RAP1A: variants seen among roughly 807,000 people sequenced by gnomAD.
RAP1A encodes ras-related protein Rap-1A.
A neutral mutation model predicts 26.4 loss-of-function variants in RAP1A; 6 were observed. The observed-to-expected ratio is 0.23, with a 90% CI of 0.12 to 0.45. RAP1A has a LOEUF of 0.45. Ranked by LOEUF, RAP1A falls within the 20% of genes least tolerant of loss-of-function variation. The probability of loss-of-function intolerance (pLI) is 0.99; values close to 1 mark genes in which losing one functional copy is unlikely to be tolerated. For missense variants in RAP1A, 121 were observed against 217.2 expected (o/e 0.56, Z 2.78); for synonymous variants, 73 against 79.4 (o/e 0.92, Z 0.43).
intron 6 of RAP1A, among the ~76,000 whole-genome samples, chr1:111,707,395 AAAG>A (rs1184062334): frequency 7.9e-5 from 12 of 152,232 alleles, no homozygotes; most frequent in Admixed American, 4.6e-4. Context: ...TAAGAACAAT[AAAG>A]AAGAATTTGT....
At chr1:111,599,128 A>G (rs568290360) in intron 1 of RAP1A, among the ~76,000 whole-genome samples, 5 of 152,210 alleles carry the variant, frequency 3.3e-5, no homozygotes, top group Admixed American at 2.6e-4. Context: ...GGCTCCCTGA[A>G]CCCTATTCTT....
intron 1 of RAP1A, among the ~76,000 whole-genome samples, chr1:111,673,349 A>G (rs558001719): frequency 4.3e-4 from 65 of 152,336 alleles, no homozygotes; most frequent in Middle Eastern, 3.4e-3. Flanking sequence ...AAAGTTTCTG[A>G]TCACTAAATT....
chr1:111,699,636 T>C (rs1661956104), intron 4 of RAP1A, among the ~76,000 whole-genome samples: 1 of 151,596 alleles, frequency 6.6e-6, no homozygotes, highest in African/African-American at 2.4e-5. Flanking sequence ...AGCTTTTTTT[T>C]TTTTTTAATT....
intron 1 of RAP1A, among the ~76,000 whole-genome samples, chr1:111,625,345 G>A (rs1291714646): frequency 6.7e-6 from 1 of 148,444 alleles, no homozygotes; most frequent in Non-Finnish European, 1.5e-5. Flanking sequence ...TTTTGTTTTT[G>A]TCTTTAGAAA....
At chr1:111,598,484 G>A (rs1658601539) in intron 1 of RAP1A, among the ~76,000 whole-genome samples, 1 of 151,498 alleles carries the variant, frequency 6.6e-6, no homozygotes, top group Non-Finnish European at 1.5e-5. Context: ...TGTCCCACAC[G>A]CTTCAAAACT....
intron 1 of RAP1A, among the ~76,000 whole-genome samples, chr1:111,569,168 C>T (rs1338230067): frequency 4.0e-5 from 6 of 151,754 alleles, no homozygotes; most frequent in Admixed American, 3.3e-4. Context: ...TTTGGGAGGC[C>T]GAGGTGGGCG....
chr1:111,575,345 G>C (rs890104576), intron 1 of RAP1A, among the ~76,000 whole-genome samples: 11 of 152,140 alleles, frequency 7.2e-5, no homozygotes, highest in Non-Finnish European at 1.3e-4. Flanking sequence ...GTAGAGACGG[G>C]TTTCGCCATG....
At chr1:111,708,164 ACT>A (rs1284174524) in intron 6 of RAP1A, among the ~76,000 whole-genome samples, 2 of 152,208 alleles carry the variant, frequency 1.3e-5, no homozygotes, top group Non-Finnish European at 2.9e-5. Context: ...ACAGAGCAAG[ACT>A]CTGTCTCAAA....
At chr1:111,690,648 CTG>C (rs1434988264) in intron 1 of RAP1A, among the ~76,000 whole-genome samples, 3 of 152,140 alleles carry the variant, frequency 2.0e-5, no homozygotes, top group African/African-American at 7.2e-5. Flanking sequence ...GTTGAAAAGT[CTG>C]TTTCTAGTTA....
chr1:111,697,130 T>G (rs1250111611), intron 3 of RAP1A, among the ~76,000 whole-genome samples: 1 of 152,206 alleles, frequency 6.6e-6, no homozygotes, highest in Non-Finnish European at 1.5e-5. Flanking sequence ...AGAACTATAC[T>G]TGTTCGTTGA....
At chr1:111,587,548 C>A (rs1658399391) in intron 1 of RAP1A, among the ~76,000 whole-genome samples, 1 of 152,168 alleles carries the variant, frequency 6.6e-6, no homozygotes, top group Admixed American at 6.5e-5. Flanking sequence ...AGCTTCCCCT[C>A]TACTTGATCT....
At chr1:111,701,522 C>A (rs1376581619) in intron 4 of RAP1A, among the ~76,000 whole-genome samples, 1 of 152,168 alleles carries the variant, frequency 6.6e-6, no homozygotes, top group Non-Finnish European at 1.5e-5. Flanking sequence ...TCCTCCAGGG[C>A]AGAAATTTTT....
chr1:111,711,679 T>A (rs553301389), intron 7 of RAP1A, among the ~76,000 whole-genome samples: 1 of 152,248 alleles, frequency 6.6e-6, no homozygotes, highest in Non-Finnish European at 1.5e-5. Flanking sequence ...TCCTGTACTT[T>A]TAAAAGTACT....
At chr1:111,677,216 GAGT>G (rs1295550343) in intron 1 of RAP1A, among the ~76,000 whole-genome samples, 1 of 152,156 alleles carries the variant, frequency 6.6e-6, no homozygotes, top group Admixed American at 6.5e-5. Context: ...ATTCATTACT[GAGT>G]AGTATTCCGT....
At chr1:111,595,498 G>GA (rs914219859) in intron 1 of RAP1A, among the ~76,000 whole-genome samples, 55 of 151,824 alleles carry the variant, frequency 3.6e-4, no homozygotes, top group African/African-American at 9.4e-4. Flanking sequence ...TTCAATGAGT[G>GA]AAAAAAAACA....
At chr1:111,638,371 G>A (rs765405327) in intron 1 of RAP1A, among the ~76,000 whole-genome samples, 2 of 151,846 alleles carry the variant, frequency 1.3e-5, no homozygotes, top group Non-Finnish European at 2.9e-5. Context: ...TAGAATTCTG[G>A]GTCATTTATG....
chr1:111,619,289 G>A (rs1557867305), upstream of RAP1A, among the ~76,000 whole-genome samples: 1 of 152,148 alleles, frequency 6.6e-6, no homozygotes, highest in South Asian at 2.1e-4. Context: ...TATCTCACCA[G>A]GTGTAAAGTC....
intron 1 of RAP1A, among the ~76,000 whole-genome samples, chr1:111,546,869 C>T (rs969046249): frequency 6.6e-6 from 1 of 152,138 alleles, no homozygotes; most frequent in African/African-American, 2.4e-5. Flanking sequence ...AGTGGCTGCA[C>T]CAGTTTACAT....
At chr1:111,673,187 T>C (rs953879563) in intron 1 of RAP1A, among the ~76,000 whole-genome samples, 2 of 152,244 alleles carry the variant, frequency 1.3e-5, no homozygotes, top group African/African-American at 4.8e-5. Context: ...AATCTTACCA[T>C]GATTTCCATA....
Sources: allele counts gnomAD v4.1 joint callset (sites outside exome capture counted in the v4.1 genomes callset), GRCh38; gene constraint gnomAD v4.1.1; transcripts MANE v1.5; gene names NCBI Gene and HGNC (gene_info 2026-07-23, HGNC 2026-07-21).